XKR5: variants seen among roughly 807,000 people sequenced by gnomAD.
XKR5 encodes the protein XK related 5.
A neutral mutation model predicts 40.8 loss-of-function variants in XKR5; 46 were observed. The ratio of observed to expected loss-of-function variants is 1.13; its 90% CI spans 0.89 to 1.44. XKR5 has a LOEUF of 1.44. XKR5 is among the 40% of genes most tolerant of loss of function. The pLI, the probability that XKR5 is intolerant of heterozygous loss-of-function variation, is 0.00. For missense variants in XKR5, 1,169 were observed against 844.7 expected (o/e 1.38, Z -4.76); for synonymous variants, 466 against 356.1 (o/e 1.31, Z -3.48).
At chr8:6,819,623 C>T (rs1804132430) in intron 5 of XKR5, among the ~76,000 whole-genome samples, 1 of 152,190 alleles carries the variant, frequency 6.6e-6, no homozygotes, top group Non-Finnish European at 1.5e-5. Flanking sequence ...GGGCAGTGTG[C>T]ATGGTGAAGT....
At chr8:6,821,680 T>G (rs1804231486) in intron 5 of XKR5, among the ~76,000 whole-genome samples, 189 bp downstream of exon 5, 1 of 152,228 alleles carries the variant, frequency 6.6e-6, no homozygotes, top group African/African-American at 2.4e-5. Context: ...GTTGGGTTAC[T>G]ATTTTCAAAG....
At chr8:6,824,703 G>A (rs1804381514) in intron 3 of XKR5, among the ~76,000 whole-genome samples, 1 of 149,764 alleles carries the variant, frequency 6.7e-6, no homozygotes, top group Non-Finnish European at 1.5e-5. Flanking sequence ...GCTAATTTTT[G>A]TATTTTTTGG....
intron 2 of XKR5, among the ~76,000 whole-genome samples, chr8:6,827,101 T>G (rs1014349775): frequency 6.6e-6 from 1 of 152,114 alleles, no homozygotes; most frequent in Non-Finnish European, 1.5e-5. Flanking sequence ...ATAGAACCCA[T>G]GACCACGAAG....
At chr8:6,831,544 T>C (rs1804763455) in intron 2 of XKR5, among the ~76,000 whole-genome samples, 1 of 152,148 alleles carries the variant, frequency 6.6e-6, no homozygotes, top group Non-Finnish European at 1.5e-5. Flanking sequence ...GGCTCATCAC[T>C]CATTTCAGTG....
At chr8:6,815,673 C>T in intron 6 of XKR5, 134 bp downstream of exon 6, 1 of 625,372 alleles carries the variant, frequency 1.6e-6, no homozygotes. Context: ...CTGCCCCCCA[C>T]ATCGCAGTGA....
chr8:6,818,375 G>A (rs1037730846), intron 5 of XKR5, among the ~76,000 whole-genome samples: 2 of 152,120 alleles, frequency 1.3e-5, no homozygotes, highest in Non-Finnish European at 2.9e-5. Flanking sequence ...TTTTGATAGC[G>A]TCACTTCTCT....
intron 2 of XKR5, among the ~76,000 whole-genome samples, chr8:6,830,795 G>A (rs143334129): frequency 9.2e-5 from 14 of 152,058 alleles, no homozygotes; most frequent in Admixed American, 7.2e-4. Flanking sequence ...ATTCAAGTTC[G>A]TTTTTTTATA....
chr8:6,814,350 T>G (rs1168673205), intron 6 of XKR5, among the ~76,000 whole-genome samples: 4 of 152,280 alleles, frequency 2.6e-5, no homozygotes, highest in African/African-American at 7.2e-5. Context: ...TCCGGAGAGC[T>G]CTGCCAAGTG....
chr8:6,811,355 TC>T lies in XKR5; in HGVS notation c.1903del (p.Glu635SerfsTer2). The T allele has an allele frequency of 6.5e-7, 1 of 1,537,344 alleles. No individual in the cohort carries two copies. The highest frequency in any genetic ancestry group is 8.7e-7 in the Non-Finnish European group (1 of 1,146,932). On this transcript the variant is annotated frameshift_variant, in exon 7 of 7. Coordinates refer to ENST00000618742, the MANE Select transcript of XKR5 (RefSeq NM_207411.5). LOFTEE classifies it low-confidence loss of function (END_TRUNC). The stretch of plus-strand genomic sequence containing the variant: ...ACCAACAGCTGCATGGTGACTTAGC[TC>T]CCTTTTGGGCTCCAGCGGCTCCTCT... Reference protein sequence around the residue: ...ELEEPLEPKRELSHHAAVGVW... With the variant: ...ELEEPLEPKRXLSHHAAVGVW...
chr8:6,814,746 G>A (rs1475306332), intron 6 of XKR5, among the ~76,000 whole-genome samples: 2 of 152,208 alleles, frequency 1.3e-5, no homozygotes, highest in African/African-American at 4.8e-5. Flanking sequence ...GACGTCTCAT[G>A]AAGAAGAACA....
chr8:6,823,555 G>C lies in XKR5; in HGVS notation c.603C>G (p.Tyr201Ter). 1 of 1,595,532 alleles carries C rather than the reference G, an allele frequency of 6.3e-7. No individual in the cohort carries two copies. Among genetic ancestry groups the C allele is most frequent in the Non-Finnish European group, 8.5e-7 (1 of 1,171,038 alleles). ...CAAAAACCCAAAAGTGGTAGGCTTT[G>C]TAGAACAGAACCAGACTCAGCACGC... ...GTRVLSLVLF[Y>*]KAYHFWVFVV... Residue 201 changes from tyrosine (Y) to a stop codon, truncating the protein, a stop_gained, in exon 4 of 7, where the codon TAC (tyrosine) becomes TAG (stop). Transcript: ENST00000618742. LOFTEE classifies it high-confidence loss of function.
At chr8:6,818,808 C>G (rs1264621316) in intron 5 of XKR5, among the ~76,000 whole-genome samples, 1 of 152,216 alleles carries the variant, frequency 6.6e-6, no homozygotes, top group Non-Finnish European at 1.5e-5. Context: ...GCCCCCAGCC[C>G]CTGCCAGACC....
At chr8:6,826,336 TG>T (rs1804476404) in intron 2 of XKR5, among the ~76,000 whole-genome samples, 1 of 152,142 alleles carries the variant, frequency 6.6e-6, no homozygotes. Context: ...TGTGAGTGTG[TG>T]TGTGTGCACG....
intron 4 of XKR5, among the ~76,000 whole-genome samples, chr8:6,822,767 T>G (rs1305847723): frequency 6.6e-6 from 1 of 152,182 alleles, no homozygotes; most frequent in Non-Finnish European, 1.5e-5. Flanking sequence ...CCAGATAGAC[T>G]CTCTGTCATT....
Position 6,811,029 on chromosome 8 carries a change from C to T in XKR5, c.*169G>A, listed in dbSNP as rs1803653090. 2 of 707,356 alleles carry T rather than the reference C, an allele frequency of 2.8e-6. No homozygotes were observed. 43.8% of individuals were successfully genotyped at this position (707,356 alleles called of 1,614,324 possible). On this transcript the variant is annotated 3_prime_UTR_variant, in exon 7 of 7. Coordinates refer to ENST00000618742, the MANE Select transcript of XKR5 (RefSeq NM_207411.5). ...GTCTGTGATGTTTGCATTGGACCTG[C>T]AAAATCATCCAGCCCTGTTTCTTCA...
rs552214244 is a variant in XKR5 at position 6,813,109 on chromosome 8, G to C, written c.920-770C>G. 3.3e-5 allele frequency among the ~76,000 whole-genome samples: 5 copies of C among 152,320 alleles called. No individual in the cohort carries two copies. The East Asian group carries it at 9.6e-4, about 29-fold the overall frequency. On this transcript the variant is annotated intron_variant, in intron 6 of 6. Transcript: ENST00000618742. ...TGCCTGAGAAGGCCAGGAGATTGCAGCATGACAGAGCTAGAAAGACTGCCT... is the reference window on the plus strand; with the variant it reads ...TGCCTGAGAAGGCCAGGAGATTGCACCATGACAGAGCTAGAAAGACTGCCT...
intron 6 of XKR5, among the ~76,000 whole-genome samples, chr8:6,812,898 T>C (rs368917020): frequency 6.6e-5 from 10 of 152,246 alleles, no homozygotes; most frequent in African/African-American, 2.4e-4. Context: ...ACTTCCTTTG[T>C]GCATAAACAT....
Position 6,812,035 on chromosome 8 carries a change from C to A in XKR5, c.1224G>T (p.Val408=). The A allele has an allele frequency of 6.5e-7, 1 of 1,538,032 alleles. No individual in the cohort carries two copies. Among genetic ancestry groups the A allele is most frequent in the Non-Finnish European group, 8.7e-7 (1 of 1,146,932 alleles). The part of the protein sequence containing the change: ...SFLSHHHWLW[V]KLALKTGNVS... ...CATTTCCTGTTTTTAGGGCAAGTTT[C>A]ACCCACAGCCAGTGGTGATGACTGA... Residue 408 remains valine, a synonymous_variant, in exon 7 of 7, where the codon GTG becomes GTT. Transcript: ENST00000618742.
At chr8:6,825,061 C>T in intron 3 of XKR5, 104 bp downstream of exon 3, 1 of 1,414,250 alleles carries the variant, frequency 7.1e-7, no homozygotes, top group East Asian at 2.4e-5. Flanking sequence ...CCTAATGCTC[C>T]TAAGCAGAGG....
Sources: allele counts gnomAD v4.1 joint callset (sites outside exome capture counted in the v4.1 genomes callset), GRCh38; gene constraint gnomAD v4.1.1; transcripts MANE v1.5; gene names NCBI Gene and HGNC (gene_info 2026-07-23, HGNC 2026-07-21).